PKD1L1: variants seen among roughly 807,000 people sequenced by gnomAD.
The protein encoded by PKD1L1 is polycystin-1-like protein 1.
A neutral mutation model predicts 323.4 loss-of-function variants in PKD1L1; 236 were observed. The ratio of observed to expected loss-of-function variants is 0.73; its 90% CI spans 0.66 to 0.81. PKD1L1 has a LOEUF of 0.81. PKD1L1 is among the 40% of genes least tolerant of loss of function. PKD1L1 has a pLI of 0.00. For missense variants in PKD1L1, 3,320 were observed against 3,508.0 expected (o/e 0.95, Z 1.35); for synonymous variants, 1,344 against 1,335.0 (o/e 1.01, Z -0.15).
rs1787878578 is a variant in PKD1L1 at position 47,936,920 on chromosome 7, A to G, written c.324T>C (p.Val108=). ...WKTTSEAALS[V]VNEKTQAVVN... is the part of the protein sequence containing the mutation. Reference sequence around the variant, plus strand: ...CAACAGCCTGTGTTTTTTCATTAACAACACTTAACGCTGCTTCACTAGTTG... The same window carrying G: ...CAACAGCCTGTGTTTTTTCATTAACGACACTTAACGCTGCTTCACTAGTTG... The change falls in exon 4 of 57, where the codon GTT becomes GTC. Residue 108 remains valine, a synonymous_variant. Transcript: ENST00000289672. The G allele has an allele frequency of 1.2e-6, 2 of 1,613,828 alleles. No individual in the cohort carries two copies. Among genetic ancestry groups the G allele is most frequent in the Non-Finnish European group, 1.7e-6 (2 of 1,179,950 alleles).
At chr7:47,797,006 A>C (rs1347809572) in intron 54 of PKD1L1, among the ~76,000 whole-genome samples, 2 of 150,806 alleles carry the variant, frequency 1.3e-5, no homozygotes, top group African/African-American at 4.8e-5. Context: ...TCTCAAAAAA[A>C]AAAAAAAAAA....
intron 56 of PKD1L1, among the ~76,000 whole-genome samples, chr7:47,780,062 TTC>T (rs1786656431): frequency 1.3e-5 from 2 of 152,188 alleles, no homozygotes; most frequent in Admixed American, 1.3e-4. Flanking sequence ...TAACTGTAGA[TTC>T]ACACACAGTT....
At chr7:47,818,687 TA>T (rs1290221508) in intron 46 of PKD1L1, among the ~76,000 whole-genome samples, 1 of 152,174 alleles carries the variant, frequency 6.6e-6, no homozygotes, top group Non-Finnish European at 1.5e-5. Context: ...CGCAATTATA[TA>T]AAATAAGCCC....
In PKD1L1 at chr7:47,857,830, A is replaced by G. The variant is rs2128742308; in HGVS notation, c.4365T>C (p.Gly1455=). The change falls in exon 28 of 57, where the codon GGT becomes GGC. Residue 1455 remains glycine, a splice_region_variant and synonymous_variant. Coordinates refer to ENST00000289672, the MANE Select transcript of PKD1L1 (RefSeq NM_138295.5). ...GITVISDLLL[G]CLSLNHVSTG... is the part of the protein sequence containing the mutation. Reference sequence around the variant, plus strand: ...TGCTAACATGGTTCAAAGAGAGACAACCCTGAAACATAGAGCATAGGGAGT... The same window carrying G: ...TGCTAACATGGTTCAAAGAGAGACAGCCCTGAAACATAGAGCATAGGGAGT... 1.2e-6 allele frequency: 2 copies of G among 1,613,916 alleles called. No homozygotes were observed. Among genetic ancestry groups the G allele is most frequent in the East Asian group, 4.5e-5 (2 of 44,888 alleles).
intron 30 of PKD1L1, 102 bp downstream of exon 30, chr7:47,854,780 G>A: frequency 7.3e-7 from 1 of 1,369,748 alleles, no homozygotes; most frequent in Non-Finnish European, 1.0e-6. Context: ...CCTCATTATT[G>A]CTTTAAAAAC....
intron 56 of PKD1L1, among the ~76,000 whole-genome samples, chr7:47,790,748 A>G (rs1221437017): frequency 6.8e-6 from 1 of 146,796 alleles, no homozygotes; most frequent in Admixed American, 7.0e-5. Flanking sequence ...TGTGTGTTTT[A>G]TTTTTTATTT....
intron 22 of PKD1L1, among the ~76,000 whole-genome samples, chr7:47,876,805 A>G (rs925020166): frequency 2.0e-5 from 3 of 151,888 alleles, no homozygotes; most frequent in Non-Finnish European, 2.9e-5. Flanking sequence ...TTTTGAGATA[A>G]GTCTCACACT....
chr7:47,933,928 T>A (rs1463250757), intron 4 of PKD1L1, among the ~76,000 whole-genome samples: 1 of 152,202 alleles, frequency 6.6e-6, no homozygotes, highest in African/African-American at 2.4e-5. Flanking sequence ...GAAGCTCTGC[T>A]ACCTTCAAGA....
chr7:47,932,124 T>C (rs1042051557), intron 4 of PKD1L1, 68 bp from the exon 5 acceptor site: 1 of 1,537,464 alleles, frequency 6.5e-7, no homozygotes, highest in Non-Finnish European at 8.8e-7. Flanking sequence ...ATCTGGCTTA[T>C]TTGATTACAA....
chr7:47,890,752 T>C lies in PKD1L1; in HGVS notation c.2465A>G (p.Glu822Gly). 6.2e-7 allele frequency: 1 copy of C among 1,612,316 alleles called. No individual in the cohort carries two copies. The change falls in exon 16 of 57, where the codon GAA becomes GGA. Residue 822 changes from glutamate (E) to glycine (G), a missense_variant. Coordinates refer to ENST00000289672, the MANE Select transcript of PKD1L1 (RefSeq NM_138295.5). ...TGCTGGGGAGCCAGCGGTGGCGCAT[T>C]CCCAGTGATACCTGTTGGAGAAGTC... ...DPGATLRYHW[E>G]CATAGSPAHP...
intron 46 of PKD1L1, among the ~76,000 whole-genome samples, chr7:47,816,471 T>A (rs1303820100): frequency 2.6e-5 from 4 of 152,054 alleles, no homozygotes; most frequent in Admixed American, 1.3e-4. Flanking sequence ...AAGGATAAAA[T>A]CAAGTGTTCC....
Position 47,897,874 on chromosome 7 carries a change from C to T in PKD1L1, c.2271+114G>A, listed in dbSNP as rs1220695784. On this transcript the variant is annotated intron_variant, in intron 14 of 56. Transcript: ENST00000289672. ...GCAGATTTTTTTTTTTTTAAACAAC[C>T]TCCCTTTTCCTGGATCGAACAGGTG... 4 of 802,818 alleles carry T rather than the reference C, an allele frequency of 5.0e-6. No homozygotes were observed. In the East Asian group the frequency reaches 1.1e-4, roughly 23 times the overall value. 49.7% of individuals were successfully genotyped at this position (802,818 alleles called of 1,614,324 possible).
At chr7:47,797,915 T>C (rs988975298) in intron 54 of PKD1L1, among the ~76,000 whole-genome samples, 3 of 152,056 alleles carry the variant, frequency 2.0e-5, no homozygotes, top group African/African-American at 7.2e-5. Flanking sequence ...CTGAGAACTA[T>C]AAAACAGTGA....
chr7:47,896,836 C>T (rs1358878339), intron 14 of PKD1L1, among the ~76,000 whole-genome samples: 1 of 152,170 alleles, frequency 6.6e-6, no homozygotes, highest in African/African-American at 2.4e-5. Flanking sequence ...CCCTGCTCTG[C>T]TCTCTATTCC....
the PKD1L1 span, among the ~76,000 whole-genome samples, chr7:47,959,822 G>A: frequency 6.6e-6 from 1 of 150,480 alleles, no homozygotes; most frequent in Non-Finnish European, 1.5e-5. Context: ...GCCCCTACTG[G>A]GAAGTGAGGA....
At chr7:47,958,469 C>G in the PKD1L1 span, among the ~76,000 whole-genome samples, 4 of 152,160 alleles carry the variant, frequency 2.6e-5, no homozygotes, top group Non-Finnish European at 4.4e-5. Flanking sequence ...AGATTTAAGA[C>G]CTGAAACTAT....
chr7:47,918,873 C>T lies in PKD1L1; in HGVS notation c.1061-3274G>A, dbSNP rs761334955. ...CCTCTGGGACACAGCAAAGGTGGTG[C>T]TAAGTGGAAATTTCATAGCCCTAAA... On this transcript the variant is annotated intron_variant, in intron 7 of 56. Coordinates refer to ENST00000289672, the MANE Select transcript of PKD1L1 (RefSeq NM_138295.5). Among the ~76,000 whole-genome samples the T allele has an allele frequency of 5.3e-5, 8 of 152,032 alleles. 1 individual carries two copies. Among genetic ancestry groups the T allele is most frequent in the African/African-American group, 4.8e-5 (2 of 41,396 alleles).
chr7:47,797,861 T>C (rs1562934298), intron 54 of PKD1L1, among the ~76,000 whole-genome samples: 1 of 152,222 alleles, frequency 6.6e-6, no homozygotes, highest in Non-Finnish European at 1.5e-5. Context: ...AGGACACTTC[T>C]AGTTAGGCTT....
At chr7:47,937,804 G>A (rs1016091291) in intron 3 of PKD1L1, among the ~76,000 whole-genome samples, 3 of 152,144 alleles carry the variant, frequency 2.0e-5, no homozygotes, top group African/African-American at 4.8e-5. Context: ...GAGCTTAGGT[G>A]GGGTGGGGGC....
Sources: gnomAD v4.1 joint callset for allele counts (sites outside exome capture counted in the v4.1 genomes callset) on GRCh38, gnomAD v4.1.1 for gene constraint, MANE v1.5 for transcripts, NCBI Gene and HGNC (gene_info 2026-07-23, HGNC 2026-07-21) for gene names.